Variants in CSMD1 observed in about 807,000 individuals in gnomAD.
CSMD1 encodes the protein CUB and Sushi multiple domains 1, also known as CUB and sushi domain-containing protein 1.
A neutral mutation model predicts 417.5 loss-of-function variants in CSMD1; 213 were observed. The ratio of observed to expected loss-of-function variants is 0.51; its 90% CI spans 0.46 to 0.57. CSMD1 has a LOEUF of 0.57. Ranked by LOEUF, CSMD1 falls within the 20% of genes least tolerant of loss-of-function variation. The pLI is 0.00. For missense variants in CSMD1, 6,923 were observed against 4,529.7 expected, an observed-to-expected ratio of 1.53 and a Z score of -15.17; for synonymous variants, 2,862 against 1,736.8, an observed-to-expected ratio of 1.65 and a Z score of -16.11.
intron 3 of CSMD1, among the ~76,000 whole-genome samples, chr8:4,413,333 C>G (rs1245781589): frequency 6.6e-6 from 1 of 152,110 alleles, no homozygotes; most frequent in Admixed American, 6.6e-5. Flanking sequence ...TGGGGCTGCC[C>G]AAACCAATTC....
At position 3,697,225 on chromosome 8, in the gene CSMD1, T is replaced by C. The variant is rs563206440; in HGVS notation, c.1009+11189A>G. On this transcript the variant is annotated intron_variant, in intron 7 of 69. Coordinates refer to ENST00000635120, the MANE Select transcript of CSMD1 (RefSeq NM_033225.6). ...GCAAAACTTATTTCTCTCCAGAAAA[T>C]GGTAGTCAGTTTCAGTTTCATGATT... 7.2e-5 allele frequency among the ~76,000 whole-genome samples: 11 copies of C among 152,310 alleles called. 1 individual carries two copies. Among genetic ancestry groups the C allele is most frequent in the Admixed American group, 6.5e-4 (10 of 15,286 alleles).
intron 3 of CSMD1, among the ~76,000 whole-genome samples, chr8:4,060,331 G>T (rs938629432): frequency 6.6e-6 from 1 of 152,146 alleles, no homozygotes; most frequent in Non-Finnish European, 1.5e-5. Context: ...ACCCACAGCC[G>T]ATATCATACT....
At chr8:3,988,792 A>T (rs1044202623) in intron 5 of CSMD1, among the ~76,000 whole-genome samples, 2 of 152,224 alleles carry the variant, frequency 1.3e-5, no homozygotes, top group Admixed American at 1.3e-4. Context: ...ATTATGGTCA[A>T]TTATATTTCC....
chr8:3,765,100 A>T (rs1278790996), intron 5 of CSMD1, among the ~76,000 whole-genome samples: 1 of 152,122 alleles, frequency 6.6e-6, no homozygotes, highest in Admixed American at 6.5e-5. Context: ...CCTTAAAAAG[A>T]GGTCAACTGT....
At chr8:4,827,249 A>G (rs369667797) in intron 1 of CSMD1, among the ~76,000 whole-genome samples, 9 of 152,146 alleles carry the variant, frequency 5.9e-5, no homozygotes, top group African/African-American at 2.2e-4. Flanking sequence ...TTGTAATCCA[A>G]ATGAATTTAA....
At chr8:3,085,041 A>G (rs1007433653) in intron 49 of CSMD1, among the ~76,000 whole-genome samples, 12 of 152,170 alleles carry the variant, frequency 7.9e-5, no homozygotes, top group African/African-American at 2.7e-4. Context: ...AGTGCTTAAA[A>G]TATAGATTCT....
chr8:3,629,025 T>G lies in CSMD1; in HGVS notation c.1010-12228A>C, dbSNP rs80174595. Reference sequence around the variant, plus strand: ...AAAAGATAAAATAGAATTCTAACCTTTGCTTCAAGGAATTCCAAGCCTTGG... The same window carrying G: ...AAAAGATAAAATAGAATTCTAACCTGTGCTTCAAGGAATTCCAAGCCTTGG... On this transcript the variant is annotated intron_variant, in intron 7 of 69. Transcript: ENST00000635120. 5.3e-4 allele frequency among the ~76,000 whole-genome samples: 80 copies of G among 152,218 alleles called. 1 individual carries two copies. The East Asian group carries it at 0.015, about 28-fold the overall frequency.
At chr8:3,610,749 T>A (rs563385664) in intron 8 of CSMD1, among the ~76,000 whole-genome samples, 5 of 152,236 alleles carry the variant, frequency 3.3e-5, no homozygotes, top group African/African-American at 9.6e-5. Context: ...TCAGTAGAAT[T>A]GCATACTTAA....
intron 26 of CSMD1, among the ~76,000 whole-genome samples, chr8:3,247,392 G>T (rs1799951268): frequency 6.6e-6 from 1 of 152,204 alleles, no homozygotes; most frequent in African/African-American, 2.4e-5. Context: ...CCATGACATT[G>T]TGACCCCTCT....
intron 1 of CSMD1, among the ~76,000 whole-genome samples, chr8:4,783,418 C>G (rs1489379333): frequency 6.6e-6 from 1 of 152,206 alleles, no homozygotes; most frequent in Non-Finnish European, 1.5e-5. Context: ...ACTCCTCACT[C>G]TCAATTCAGT....
Position 3,343,317 on chromosome 8 carries a change from T to G in CSMD1, c.3608A>C (p.Gln1203Pro). ...ACTGGTATAGGTGAGTTGAAAACCT[T>G]GGTCGGTGTCAGATCCATTGGTGTT... Reference protein sequence around the residue: ...EFNTNGSDTDQGFQLTYTSFD... With the variant: ...EFNTNGSDTDPGFQLTYTSFD... The change falls in exon 23 of 70, where the codon CAA becomes CCA. Residue 1203 changes from glutamine to proline, a missense_variant. Transcript: ENST00000635120. The G allele has an allele frequency of 6.2e-7, 1 of 1,613,764 alleles. No homozygotes were observed. The highest frequency in any genetic ancestry group is 8.5e-7 in the Non-Finnish European group (1 of 1,179,726).
At chr8:3,708,370 T>C (rs747988602) in intron 7 of CSMD1, 44 bp downstream of exon 7, 10 of 1,539,694 alleles carry the variant, frequency 6.5e-6, no homozygotes, top group Non-Finnish European at 2.7e-6. Flanking sequence ...CTCCTCTGCT[T>C]ACAAGGGCGT....
At chr8:3,003,610 T>A (rs554044859) in intron 52 of CSMD1, among the ~76,000 whole-genome samples, 1 of 152,302 alleles carries the variant, frequency 6.6e-6, no homozygotes, top group South Asian at 2.1e-4. Flanking sequence ...TTGTTGTGGG[T>A]TGCAATGTTC....
chr8:3,469,409 G>C (rs997059892), intron 11 of CSMD1, among the ~76,000 whole-genome samples: 4 of 152,084 alleles, frequency 2.6e-5, no homozygotes, highest in Non-Finnish European at 5.9e-5. Context: ...AAATAGATTT[G>C]GCAGCATTTA....
intron 2 of CSMD1, among the ~76,000 whole-genome samples, chr8:4,575,952 C>G (rs1799116705): frequency 6.6e-6 from 1 of 152,224 alleles, no homozygotes; most frequent in Admixed American, 6.5e-5. Context: ...ATCACCAAAT[C>G]AAACTCGTAA....
intron 4 of CSMD1, among the ~76,000 whole-genome samples, chr8:4,012,326 C>T (rs1045699806): frequency 6.6e-6 from 1 of 152,148 alleles, no homozygotes; most frequent in African/African-American, 2.4e-5. Flanking sequence ...GGTAGGGTGT[C>T]CAAGATTCAT....
intron 5 of CSMD1, among the ~76,000 whole-genome samples, chr8:3,771,767 T>C (rs1006232989): frequency 6.6e-6 from 1 of 152,164 alleles, no homozygotes; most frequent in East Asian, 1.9e-4. Flanking sequence ...GACAGCATCA[T>C]GCTCTCTCCA....
At chr8:4,603,015 A>T (rs1800678950) in intron 2 of CSMD1, among the ~76,000 whole-genome samples, 1 of 152,130 alleles carries the variant, frequency 6.6e-6, no homozygotes, top group African/African-American at 2.4e-5. Flanking sequence ...TTAATAATAA[A>T]ATATTGATTC....
At chr8:3,394,004 A>ATAATAAT (rs33927495) in intron 17 of CSMD1, among the ~76,000 whole-genome samples, 7 of 32,064 alleles carry the variant, frequency 2.2e-4, no homozygotes, top group Admixed American at 4.1e-4. Flanking sequence ...TAATAATAAA[A>ATAATAAT]AAATAAATTA....
Sources: gnomAD v4.1 joint callset for allele counts (sites outside exome capture counted in the v4.1 genomes callset) on GRCh38, gnomAD v4.1.1 for gene constraint, MANE v1.5 for transcripts, NCBI Gene and HGNC (gene_info 2026-07-23, HGNC 2026-07-21) for gene names.